Variants in ROBO2 observed in about 807,000 individuals in gnomAD.
ROBO2 encodes roundabout homolog 2.
Under a neutral mutation model 160.8 loss-of-function variants are expected in ROBO2, and 53 were observed. That is an observed-to-expected ratio of 0.33 (90% confidence interval 0.26 to 0.41). The LOEUF is 0.41. ROBO2 is among the 10% of genes least tolerant of loss of function. The pLI is 1.00. For missense variants in ROBO2, 1,577 were observed against 1,722.4 expected (o/e 0.92, Z 1.49); for synonymous variants, 664 against 611.7 (o/e 1.09, Z -1.26).
At chr3:76,733,122 G>A (rs1299538529) in intron 2 of ROBO2, among the ~76,000 whole-genome samples, 4 of 152,188 alleles carry the variant, frequency 2.6e-5, no homozygotes, top group African/African-American at 4.8e-5. Context: ...TGGCTTGGGG[G>A]TGATCAGATA....
chr3:77,238,426 T>G (rs941253922), intron 2 of ROBO2, among the ~76,000 whole-genome samples: 1 of 152,274 alleles, frequency 6.6e-6, no homozygotes, highest in African/African-American at 2.4e-5. Flanking sequence ...GGTGTTAGCA[T>G]TCCATGCCTT....
chr3:76,882,396 A>G (rs1383782594), intron 2 of ROBO2, among the ~76,000 whole-genome samples: 2 of 152,112 alleles, frequency 1.3e-5, no homozygotes, highest in East Asian at 3.9e-4. Context: ...TTACCTACTA[A>G]GTTCACATTT....
chr3:76,594,929 T>G (rs1171586451), intron 2 of ROBO2, among the ~76,000 whole-genome samples: 1 of 151,984 alleles, frequency 6.6e-6, no homozygotes, highest in Non-Finnish European at 1.5e-5. Context: ...CCCCCAAAAC[T>G]AATGTATTGA....
At chr3:76,776,531 T>C (rs267103) in intron 2 of ROBO2, among the ~76,000 whole-genome samples, 126,368 of 150,682 alleles carry the variant, frequency 0.84, 53,090 homozygotes, top group Admixed American at 0.86. Context: ...GAGTTCTGGG[T>C]ACTTCACACC....
At chr3:76,123,275 T>A (rs1393778221) in intron 2 of ROBO2, among the ~76,000 whole-genome samples, 2 of 152,204 alleles carry the variant, frequency 1.3e-5, no homozygotes, top group Non-Finnish European at 2.9e-5. Flanking sequence ...TTTTCCCTAT[T>A]TTTTACTCCT....
chr3:77,281,611 G>A (rs1302825311), intron 2 of ROBO2, among the ~76,000 whole-genome samples: 4 of 152,070 alleles, frequency 2.6e-5, no homozygotes, highest in African/African-American at 4.8e-5. Context: ...GGATGCTCAA[G>A]TCTCTGATAT....
intron 2 of ROBO2, among the ~76,000 whole-genome samples, chr3:77,169,702 A>T (rs1254201101): frequency 6.6e-6 from 1 of 152,116 alleles, no homozygotes; most frequent in Non-Finnish European, 1.5e-5. Context: ...GACTGCCTTG[A>T]TGTTTGCAAT....
At chr3:77,455,563 C>G (rs142464628) in intron 2 of ROBO2, among the ~76,000 whole-genome samples, 7 of 152,082 alleles carry the variant, frequency 4.6e-5, no homozygotes, top group African/African-American at 1.7e-4. Context: ...TCCTGAGTAG[C>G]TGGGATTACA....
chr3:77,107,146 C>T (rs1470383109), intron 2 of ROBO2, among the ~76,000 whole-genome samples: 1 of 152,212 alleles, frequency 6.6e-6, no homozygotes, highest in African/African-American at 2.4e-5. Flanking sequence ...GGCATCCTCA[C>T]AAGGTGAAAG....
intron 2 of ROBO2, among the ~76,000 whole-genome samples, chr3:76,596,384 T>C (rs1210312971): frequency 5.9e-5 from 9 of 151,708 alleles, no homozygotes; most frequent in African/African-American, 1.2e-4. Flanking sequence ...CTATGAAGAG[T>C]AGCGCATGTA....
At chr3:76,472,740 C>T (rs2078731838) in intron 2 of ROBO2, among the ~76,000 whole-genome samples, 1 of 152,112 alleles carries the variant, frequency 6.6e-6, no homozygotes, top group South Asian at 2.1e-4. Context: ...TATGGAAAAA[C>T]AAAGATGCTT....
At chr3:77,522,013 A>G (rs2090646780) in intron 5 of ROBO2, among the ~76,000 whole-genome samples, 2 of 151,354 alleles carry the variant, frequency 1.3e-5, no homozygotes, top group Admixed American at 1.3e-4. Context: ...GAAAGATCAC[A>G]TGTGAAAAAA....
chr3:76,237,360 T>G (rs556541792), intron 2 of ROBO2, among the ~76,000 whole-genome samples: 1 of 152,218 alleles, frequency 6.6e-6, no homozygotes, highest in African/African-American at 2.4e-5. Flanking sequence ...TGTCTAAACA[T>G]TATGTTTAAA....
chr3:77,316,828 A>G (rs1338264944), intron 2 of ROBO2: 2 of 1,306,590 alleles, frequency 1.5e-6, no homozygotes, highest in African/African-American at 1.5e-5. Flanking sequence ...GAGAGCTGAC[A>G]GTGTCAGTTT....
At chr3:76,536,251 A>G (rs1397774290) in intron 2 of ROBO2, among the ~76,000 whole-genome samples, 1 of 152,188 alleles carries the variant, frequency 6.6e-6, no homozygotes, top group African/African-American at 2.4e-5. Flanking sequence ...ATACATTGCC[A>G]CTTGGCTGAC....
intron 2 of ROBO2, among the ~76,000 whole-genome samples, chr3:77,229,231 C>G (rs2086861765): frequency 6.6e-6 from 1 of 152,126 alleles, no homozygotes; most frequent in Non-Finnish European, 1.5e-5. Flanking sequence ...TTACCTAATT[C>G]TCTCTTCAGA....
chr3:76,330,915 G>A (rs1446786338), intron 2 of ROBO2, among the ~76,000 whole-genome samples: 1 of 152,196 alleles, frequency 6.6e-6, no homozygotes, highest in Non-Finnish European at 1.5e-5. Context: ...CTCATCTGCT[G>A]TGGTATTCCC....
intron 2 of ROBO2, among the ~76,000 whole-genome samples, chr3:76,949,970 G>A (rs1394945871): frequency 6.6e-6 from 1 of 152,160 alleles, no homozygotes; most frequent in Non-Finnish European, 1.5e-5. Context: ...CATCTCATTA[G>A]GATTAGCTGA....
At chr3:76,379,094 A>G (rs898951936) in intron 2 of ROBO2, among the ~76,000 whole-genome samples, 1 of 152,194 alleles carries the variant, frequency 6.6e-6, no homozygotes, top group African/African-American at 2.4e-5. Flanking sequence ...AGCACTGACC[A>G]TGGAGCAGAC....
Sources: gnomAD v4.1 joint callset for allele counts (sites outside exome capture counted in the v4.1 genomes callset) on GRCh38, gnomAD v4.1.1 for gene constraint, MANE v1.5 for transcripts, NCBI Gene and HGNC (gene_info 2026-07-23, HGNC 2026-07-21) for gene names.